The following MAPK12 variants were observed in gnomAD, a reference collection of about 807,000 sequenced individuals.
MAPK12 encodes the protein MAP kinase 12.
MAPK12 carries 49 observed loss-of-function variants against 49.1 expected under a neutral mutation model. That is an observed-to-expected ratio of 1.00 (90% CI 0.79 to 1.27). The LOEUF is 1.27. MAPK12 is among the 50% of genes most tolerant of loss of function. MAPK12 has a pLI of 0.00. For synonymous variants in MAPK12, 251 were observed against 209.7 expected (o/e 1.20, Z -1.70); for missense variants, 554 against 502.4 (o/e 1.10, Z -0.98).
chr22:50,261,501 A>G lies in MAPK12; in HGVS notation c.9T>C (p.Ser3=). 2 of 1,238,872 alleles carry G rather than the reference A, an allele frequency of 1.6e-6. No individual in the cohort carries two copies. Among genetic ancestry groups the G allele is most frequent in the South Asian group, 1.7e-5 (1 of 57,778 alleles). The allele number at this position is 1,238,872 out of a possible 1,614,324, so 76.7% of individuals were successfully genotyped here. A position where few individuals can be genotyped will look rare whatever the true frequency, so the allele number is the denominator to read the frequency against. Residue 3 remains serine (S), a synonymous_variant, in exon 1 of 12, where the codon TCT becomes TCC. Coordinates refer to ENST00000215659, the MANE Select transcript of MAPK12 (RefSeq NM_002969.6). MS[S]PPPARSGFYR... ...AAAAGCCACTGCGGGCGGGCGGCGG[A>G]GAGCTCATGGCAGGCCCGGGAGCTG...
chr22:50,253,000 C>A lies in MAPK12; in HGVS notation c.*401G>T, dbSNP rs904259436. 4 of 292,956 alleles carry A rather than the reference C, an allele frequency of 1.4e-5. No individual in the cohort carries two copies. Among genetic ancestry groups the A allele is most frequent in the African/African-American group, 8.9e-5 (4 of 44,928 alleles). The allele number at this position is 292,956 out of a possible 1,614,324, so 18.1% of individuals were successfully genotyped here. A position where few individuals can be genotyped will look rare whatever the true frequency, so the allele number is the denominator to read the frequency against. ...GGTGCAGGAAGGTCCACTGACGTCG[C>A]CCAGGAGAGGGGATGTCCCTGAGTT... On this transcript the variant is annotated 3_prime_UTR_variant, in exon 12 of 12. Transcript: ENST00000215659.
At chr22:50,254,646 C>T (rs1037305773) in intron 11 of MAPK12, 62 of 1,010,688 alleles carry the variant, frequency 6.1e-5, no homozygotes, top group Middle Eastern at 4.9e-4. Context: ...AGTGAGACTC[C>T]GTCTCAAAAA....
In MAPK12 at chr22:50,256,971, G is replaced by C; in HGVS notation, c.427-7C>G. 6 of 1,606,688 alleles carry C rather than the reference G, an allele frequency of 3.7e-6. No homozygotes were observed. The highest frequency in any genetic ancestry group is 5.1e-6 in the Non-Finnish European group (6 of 1,178,064). ...TGCCGGCAGCGTGGATATACTGCGGGGGGCAGAGGATTTGGCAGGCTTCAG... is the reference window on the plus strand; with the variant it reads ...TGCCGGCAGCGTGGATATACTGCGGCGGGCAGAGGATTTGGCAGGCTTCAG... On this transcript the variant is annotated splice_polypyrimidine_tract_variant and splice_region_variant and intron_variant, in intron 4 of 11. Transcript: ENST00000215659.
Position 50,253,396 on chromosome 22 carries a change from G to A in MAPK12, c.*5C>T. On this transcript the variant is annotated 3_prime_UTR_variant, in exon 12 of 12. Transcript: ENST00000215659. Reference sequence around the variant, plus strand: ...CCTCACTGCCACCCCGGAGCCCAGAGATCTTCACAGAGGCGTCTCCTTGGA... The same window carrying A: ...CCTCACTGCCACCCCGGAGCCCAGAAATCTTCACAGAGGCGTCTCCTTGGA... 6.5e-7 allele frequency: 1 copy of A among 1,543,294 alleles called. No homozygotes were observed. Among genetic ancestry groups the A allele is most frequent in the Non-Finnish European group, 8.8e-7 (1 of 1,142,842 alleles).
intron 2 of MAPK12, among the ~76,000 whole-genome samples, chr22:50,260,602 G>C (rs1569144325): frequency 6.6e-6 from 1 of 152,296 alleles, no homozygotes; most frequent in East Asian, 1.9e-4. Flanking sequence ...ACCACGCCCA[G>C]TGCTCCTCAA....
intron 6 of MAPK12, 32 bp from the exon 7 acceptor site, chr22:50,256,231 G>A: frequency 2.6e-6 from 4 of 1,558,478 alleles, no homozygotes; most frequent in South Asian, 2.2e-5. Context: ...TGGGTTCTAG[G>A]GGACTCCCAA....
At position 50,261,270 on chromosome 22, in the gene MAPK12, G is replaced by C; in HGVS notation, c.152C>G (p.Ala51Gly). 1 of 1,539,198 alleles carries C rather than the reference G, an allele frequency of 6.5e-7. No individual in the cohort carries two copies. Among genetic ancestry groups the C allele is most frequent in the Non-Finnish European group, 8.7e-7 (1 of 1,144,066 alleles). ...ATACAGCTTCTTGATGGCCACCTTA[G>C]CGCCGGTGCGGCCGTCCACGGCCGA... ...VCSAVDGRTG[A>G]KVAIKKLYRP... Residue 51 changes from alanine (A) to glycine (G), a missense_variant, in exon 2 of 12, where the codon GCT becomes GGT. Physicochemically the swap from Ala to Gly is moderately conservative, Grantham distance 60 (BLOSUM62 0). Transcript: ENST00000215659.
rs187578301 is a variant in MAPK12, at chr22:50,261,620, T to G, written c.-111A>C. The G allele has an allele frequency of 5.2e-6, 5 of 953,208 alleles. No homozygotes were observed. The highest frequency in any genetic ancestry group is 1.9e-5 in the African/African-American group (1 of 52,044). 59.0% of individuals were successfully genotyped at this position (953,208 alleles called of 1,614,324 possible). On this transcript the variant is annotated 5_prime_UTR_variant, in exon 1 of 12. Coordinates refer to ENST00000215659, the MANE Select transcript of MAPK12 (RefSeq NM_002969.6). ...GGCCGGCTCCGCGCCGCTCGTCCGC[T>G]CGCCCGCCCGCCCGCCGGCCGCTGG... is the stretch of plus-strand genomic sequence containing the variant.
rs765660130 is a variant in MAPK12, at chr22:50,261,433, AC to A, written c.76del (p.Val26CysfsTer61). On this transcript the variant is annotated frameshift_variant, in exon 1 of 12. Coordinates refer to ENST00000215659, the MANE Select transcript of MAPK12 (RefSeq NM_002969.6). LOFTEE classifies it high-confidence loss of function. The stretch of plus-strand genomic sequence containing the variant: ...GCCCACGGGCTGCAGGTCCCGGTAC[AC>A]GGCGCGCACCTCCCAGGCCGTCTTG... ...VTKTAWEVRA[V>X]YRDLQPVGSG... The A allele has an allele frequency of 7.9e-7, 1 of 1,265,842 alleles. No homozygotes were observed. Among genetic ancestry groups the A allele is most frequent in the Non-Finnish European group, 1.0e-6 (1 of 983,080 alleles). The allele number at this position is 1,265,842 out of a possible 1,614,324, so 78.4% of individuals were successfully genotyped here. A position where few individuals can be genotyped will look rare whatever the true frequency, so the allele number is the denominator to read the frequency against.
intron 3 of MAPK12, 132 bp downstream of exon 3, chr22:50,258,110 AG>A: frequency 1.7e-6 from 1 of 585,742 alleles, no homozygotes. Context: ...TGGTATGGGG[AG>A]GGGGTGGGCG....
At chr22:50,253,502 G>GCGCCCCCCCC in intron 11 of MAPK12, 22 bp from the exon 12 acceptor site, 2 of 171,672 alleles carry the variant, frequency 1.2e-5, no homozygotes, top group Non-Finnish European at 2.3e-5. Flanking sequence ...GGGGGGGCGG[G>GCGCCCCCCCC]CACAACAGAG....
At chr22:50,257,521 G>A in intron 3 of MAPK12, 1 of 520,664 alleles carries the variant, frequency 1.9e-6, no homozygotes, top group Non-Finnish European at 3.5e-6. Flanking sequence ...GAGGCTCCAT[G>A]GTAGAGGCAG....
chr22:50,253,734 A>G, intron 11 of MAPK12: 1 of 560,104 alleles, frequency 1.8e-6, no homozygotes, highest in South Asian at 2.1e-5. Context: ...GGCCTCAGCC[A>G]CAGTTGTGTG....
At position 50,255,330 on chromosome 22, in the gene MAPK12, CTCCGCG is replaced by C; in HGVS notation, c.885_890del (p.Asp295_Ala296del). 2 of 1,613,590 alleles carry C rather than the reference CTCCGCG, an allele frequency of 1.2e-6. No individual in the cohort carries two copies. The highest frequency in any genetic ancestry group is 2.2e-5 in the South Asian group (2 of 91,088). ...GCGCCTCGCCTGCCGTCACCCGCTGCTCCGCGTCCAGCACCAGCATCTTCTCCAGGA... is the reference window on the plus strand; with the variant it reads ...GCGCCTCGCCTGCCGTCACCCGCTGCTCCAGCACCAGCATCTTCTCCAGGA... On this transcript the variant is annotated inframe_deletion, in exon 11 of 12. Coordinates refer to ENST00000215659, the MANE Select transcript of MAPK12 (RefSeq NM_002969.6).
chr22:50,260,018 GC>G (rs2065194093), intron 2 of MAPK12, among the ~76,000 whole-genome samples: 1 of 143,206 alleles, frequency 7.0e-6, no homozygotes, highest in Non-Finnish European at 1.5e-5. Flanking sequence ...GGTGTGATGG[GC>G]GGGTGGTGGG....
rs778489539 is a variant in MAPK12, at chr22:50,255,672, G to A, written c.714C>T (p.Ile238=). 5.0e-6 allele frequency: 8 copies of A among 1,607,400 alleles called. No homozygotes were observed. In the Admixed American group the frequency reaches 1.3e-4, roughly 27 times the overall value. The stretch of plus-strand genomic sequence containing the variant: ...CCGGAGGCGTCCCCGTCACCTTCAT[G>A]ATCTCCTTCAGCTGGTCCAGGTCTG... ...GSDHLDQLKE[I]MKVTGTPPAE... The change falls in exon 9 of 12, where the codon ATC becomes ATT. Residue 238 remains isoleucine (I), a synonymous_variant. Coordinates refer to ENST00000215659, the MANE Select transcript of MAPK12 (RefSeq NM_002969.6).
intron 9 of MAPK12, 28 bp from the exon 10 acceptor site, chr22:50,255,559 A>G: frequency 6.2e-7 from 1 of 1,612,960 alleles, no homozygotes; most frequent in Non-Finnish European, 8.5e-7. Context: ...GTGAGGGGCC[A>G]ACACCAAGGC....
At chr22:50,254,976 ATCC>A in intron 11 of MAPK12, 2 of 1,430,724 alleles carry the variant, frequency 1.4e-6, no homozygotes, top group Non-Finnish European at 1.8e-6. Flanking sequence ...CTGACCTCCC[ATCC>A]TCCTCACCTG....
intron 3 of MAPK12, 30 bp from the exon 4 acceptor site, chr22:50,257,223 G>A (rs759092371): frequency 3.8e-6 from 6 of 1,570,674 alleles, no homozygotes; most frequent in Middle Eastern, 3.5e-4. Flanking sequence ...GCTGTCAGCG[G>A]ACAGAGCCAG....
Sources: gnomAD v4.1 joint callset for allele counts (sites outside exome capture counted in the v4.1 genomes callset) on GRCh38, gnomAD v4.1.1 for gene constraint, MANE v1.5 for transcripts, NCBI Gene and HGNC (gene_info 2026-07-23, HGNC 2026-07-21) for gene names.